The following CFAP54 variants were observed in gnomAD, a reference collection of about 807,000 sequenced individuals.
CFAP54 encodes cilia- and flagella-associated protein 54.
In CFAP54, 290 loss-of-function variants were observed where a neutral mutation model predicts 370.4. The ratio of observed to expected loss-of-function variants is 0.78; its 90% confidence interval spans 0.71 to 0.86. The LOEUF is 0.86. Ranked by LOEUF, CFAP54 falls within the 40% of genes least tolerant of loss-of-function variation. The pLI is 0.00. For synonymous variants in CFAP54, 1,206 were observed against 1,236.5 expected, an observed-to-expected ratio of 0.98 and a Z score of 0.52; for missense variants, 3,399 against 3,528.7, an observed-to-expected ratio of 0.96 and a Z score of 0.93.
At chr12:96,661,444 G>T (rs1399526766) in intron 38 of CFAP54, among the ~76,000 whole-genome samples, 1 of 152,142 alleles carries the variant, frequency 6.6e-6, no homozygotes, top group Non-Finnish European at 1.5e-5. Flanking sequence ...TATGATTGTG[G>T]AGGCCAGCTA....
At chr12:96,509,479 A>G (rs1249218514) in intron 4 of CFAP54, among the ~76,000 whole-genome samples, 1 of 152,186 alleles carries the variant, frequency 6.6e-6, no homozygotes, top group Non-Finnish European at 1.5e-5. Flanking sequence ...TTATACATAC[A>G]CACTCTTGGT....
At chr12:96,641,214 C>T (rs1324276127) in intron 32 of CFAP54, among the ~76,000 whole-genome samples, 1 of 152,130 alleles carries the variant, frequency 6.6e-6, no homozygotes, top group East Asian at 1.9e-4. Context: ...CTACAATGAA[C>T]TCAAACAAAT....
At chr12:96,613,384 A>G (rs1956380319) in intron 26 of CFAP54, among the ~76,000 whole-genome samples, 1 of 152,216 alleles carries the variant, frequency 6.6e-6, no homozygotes, top group African/African-American at 2.4e-5. Flanking sequence ...GTAGAGGGAA[A>G]TTTATAGCAC....
chr12:96,786,225 C>T (rs887073728), intron 61 of CFAP54, among the ~76,000 whole-genome samples: 3 of 148,240 alleles, frequency 2.0e-5, no homozygotes, highest in Non-Finnish European at 3.0e-5. Context: ...TTGTCACCCA[C>T]GCTGGTGTGC....
At chr12:96,580,782 T>C in intron 21 of CFAP54, 93 bp downstream of exon 21, 1 of 1,119,996 alleles carries the variant, frequency 8.9e-7, no homozygotes, top group Non-Finnish European at 1.2e-6. Context: ...ATCTCTCTAA[T>C]TTCCACCTGA....
chr12:96,809,353 C>G (rs1352540291), intron 63 of CFAP54, among the ~76,000 whole-genome samples: 1 of 151,756 alleles, frequency 6.6e-6, no homozygotes, highest in African/African-American at 2.4e-5. Flanking sequence ...ATTTTTTTCC[C>G]TATTATCTAC....
At chr12:96,634,248 G>T (rs1219952004) in intron 32 of CFAP54, among the ~76,000 whole-genome samples, 1 of 151,486 alleles carries the variant, frequency 6.6e-6, no homozygotes, top group Non-Finnish European at 1.5e-5. Context: ...TAGAGACGGG[G>T]TTTCACTATG....
intron 40 of CFAP54, among the ~76,000 whole-genome samples, chr12:96,683,279 A>T (rs1957291230): frequency 6.6e-6 from 1 of 152,220 alleles, no homozygotes; most frequent in Non-Finnish European, 1.5e-5. Context: ...ATATGGAATC[A>T]CCATGAATGT....
At chr12:96,816,187 A>G (rs1352877835) in intron 64 of CFAP54, among the ~76,000 whole-genome samples, 4 of 152,168 alleles carry the variant, frequency 2.6e-5, no homozygotes, top group Non-Finnish European at 5.9e-5. Flanking sequence ...GATTCTTCCT[A>G]TCCATGATCA....
chr12:96,617,717 C>T (rs1477891901), intron 26 of CFAP54, among the ~76,000 whole-genome samples: 2 of 152,092 alleles, frequency 1.3e-5, no homozygotes, highest in African/African-American at 2.4e-5. Flanking sequence ...GCGGGCGGGG[C>T]GTGGTGGCTC....
intron 5 of CFAP54, among the ~76,000 whole-genome samples, chr12:96,515,897 T>C (rs1249841932): frequency 6.7e-6 from 1 of 149,872 alleles, no homozygotes; most frequent in African/African-American, 2.5e-5. Context: ...AGAAAGGTGC[T>C]GTCATTACCT....
At chr12:96,819,814 C>CA (rs1184204374) in intron 65 of CFAP54, among the ~76,000 whole-genome samples, 2 of 152,100 alleles carry the variant, frequency 1.3e-5, no homozygotes, top group Non-Finnish European at 2.9e-5. Context: ...AATAATGTCT[C>CA]AAACGCATTT....
chr12:96,768,885 A>G (rs1464463376), intron 60 of CFAP54, among the ~76,000 whole-genome samples: 1 of 152,084 alleles, frequency 6.6e-6, no homozygotes, highest in Non-Finnish European at 1.5e-5. Context: ...AGGGGAAGCA[A>G]ATTTTATCAA....
intron 26 of CFAP54, 94 bp from the exon 27 acceptor site, chr12:96,621,496 C>A (rs1475266189): frequency 4.4e-6 from 4 of 907,218 alleles, no homozygotes; most frequent in South Asian, 6.5e-5. Flanking sequence ...ACTGAAAACT[C>A]TATGGGGCTT....
chr12:96,753,660 T>C (rs1958215918), intron 55 of CFAP54, 83 bp from the exon 56 acceptor site: 1 of 1,309,470 alleles, frequency 7.6e-7, no homozygotes, highest in Non-Finnish European at 1.1e-6. Flanking sequence ...TTCATTACTG[T>C]GAGAGCAGTC....
intron 36 of CFAP54, among the ~76,000 whole-genome samples, chr12:96,657,443 C>T (rs1956933988): frequency 6.6e-6 from 1 of 152,168 alleles, no homozygotes; most frequent in Non-Finnish European, 1.5e-5. Context: ...AAAAATCTTA[C>T]CATAATTTAT....
At chr12:96,659,114 G>C (rs1393207004) in intron 38 of CFAP54, among the ~76,000 whole-genome samples, 1 of 152,172 alleles carries the variant, frequency 6.6e-6, no homozygotes, top group Admixed American at 6.5e-5. Flanking sequence ...CCGCCTCCCA[G>C]GTTCCTGCGT....
At chr12:96,624,291 A>G (rs1956529271) in intron 28 of CFAP54, among the ~76,000 whole-genome samples, 1 of 152,132 alleles carries the variant, frequency 6.6e-6, no homozygotes, top group African/African-American at 2.4e-5. Flanking sequence ...AGTTGTGACA[A>G]CCATCTGGGT....
chr12:96,655,883 G>A (rs1010244253), intron 36 of CFAP54, among the ~76,000 whole-genome samples: 2 of 151,712 alleles, frequency 1.3e-5, no homozygotes, highest in Non-Finnish European at 2.9e-5. Context: ...TTTTTTTTAG[G>A]TAGGATTATA....
Sources: allele counts gnomAD v4.1 joint callset (sites outside exome capture counted in the v4.1 genomes callset), GRCh38; gene constraint gnomAD v4.1.1; transcripts MANE v1.5; gene names NCBI Gene and HGNC (gene_info 2026-07-23, HGNC 2026-07-21).